KCNH1: variants seen among roughly 807,000 people sequenced by gnomAD.
KCNH1 encodes the protein voltage-gated delayed rectifier potassium channel KCNH1.
KCNH1 carries 27 observed loss-of-function variants against 69.2 expected under a neutral mutation model. The ratio of observed to expected loss-of-function variants is 0.39; its 90% CI spans 0.29 to 0.54. KCNH1 has a LOEUF of 0.54. Among genes scored for constraint, KCNH1 ranks in the 20% least tolerant of loss-of-function variants. The pLI is 0.68. For missense variants in KCNH1, 798 were observed against 1,261.6 expected (o/e 0.63, Z 5.57); for synonymous variants, 456 against 487.7 (o/e 0.93, Z 0.86).
At chr1:210,786,292 T>C (rs1487672222) in intron 9 of KCNH1, among the ~76,000 whole-genome samples, 1 of 152,262 alleles carries the variant, frequency 6.6e-6, no homozygotes, top group East Asian at 1.9e-4. Context: ...GAAATCAAAA[T>C]GTGCCAGTTT....
chr1:210,905,571 A>T (rs1687084154), intron 7 of KCNH1, among the ~76,000 whole-genome samples: 1 of 152,152 alleles, frequency 6.6e-6, no homozygotes, highest in Non-Finnish European at 1.5e-5. Flanking sequence ...CAGTGAACTG[A>T]GACTATTGCC....
intron 6 of KCNH1, among the ~76,000 whole-genome samples, chr1:210,981,218 T>A (rs1020378287): frequency 2.6e-5 from 4 of 152,130 alleles, no homozygotes; most frequent in Non-Finnish European, 4.4e-5. Flanking sequence ...GTTTAACTCA[T>A]GTCTTATTCT....
Position 210,955,546 on chromosome 1 carries a change from C to G in KCNH1, c.1033-35477G>C, listed in dbSNP as rs186491347. ...TTCCTGTCCATGAGCATGGAATGTT[C>G]TTCCATTTGTTTGTGTCCTCTTTTA... On this transcript the variant is annotated intron_variant, in intron 6 of 10. Transcript: ENST00000271751. Among the ~76,000 whole-genome samples, 692 of 152,192 alleles carry G rather than the reference C, an allele frequency of 4.5e-3. 3 individuals carry two copies. Among genetic ancestry groups the G allele is most frequent in the Middle Eastern group, 0.01 (3 of 294 alleles).
intron 10 of KCNH1, among the ~76,000 whole-genome samples, chr1:210,688,843 GGTT>G (rs1681467428): frequency 6.6e-6 from 1 of 152,194 alleles, no homozygotes; most frequent in African/African-American, 2.4e-5. Flanking sequence ...TGTCTGGAGA[GGTT>G]GTTCCACTGC....
At chr1:210,715,490 G>T (rs1460952892) in intron 10 of KCNH1, among the ~76,000 whole-genome samples, 1 of 147,912 alleles carries the variant, frequency 6.8e-6, no homozygotes, top group Non-Finnish European at 1.5e-5. Context: ...AATATAGCAA[G>T]ACCCTGTTTC....
intron 6 of KCNH1, among the ~76,000 whole-genome samples, chr1:210,933,465 T>C (rs1687717734): frequency 6.6e-6 from 1 of 151,992 alleles, no homozygotes; most frequent in Non-Finnish European, 1.5e-5. Context: ...TATACATATG[T>C]AACTAACCTG....
intron 6 of KCNH1, among the ~76,000 whole-genome samples, chr1:210,961,886 T>C (rs1688302018): frequency 6.6e-6 from 1 of 152,110 alleles, no homozygotes; most frequent in Non-Finnish European, 1.5e-5. Context: ...ATTGTTTTAA[T>C]GCCTTGTCTG....
chr1:210,957,658 C>T (rs1688204862), intron 6 of KCNH1, among the ~76,000 whole-genome samples: 1 of 152,168 alleles, frequency 6.6e-6, no homozygotes, highest in African/African-American at 2.4e-5. Flanking sequence ...ATTCTCTTTA[C>T]CATTATGAAA....
Position 211,049,581 on chromosome 1 carries a change from T to C in KCNH1, c.559-30325A>G, listed in dbSNP as rs114539365. Among the ~76,000 whole-genome samples, 1,115 of 152,280 alleles carry C rather than the reference T, an allele frequency of 7.3e-3. 6 individuals are homozygous for C. The highest frequency in any genetic ancestry group is 0.024 in the African/African-American group (1,006 of 41,540). ...AGAGCAGGACTTGATGTGCCCTTGA[T>C]GCACAGGTAAGAACTTTTAAGTAAG... On this transcript the variant is annotated intron_variant, in intron 5 of 10. Transcript: ENST00000271751.
chr1:210,861,553 A>C, intron 7 of KCNH1: 1 of 772,580 alleles, frequency 1.3e-6, no homozygotes, highest in East Asian at 2.4e-5. Flanking sequence ...GAAGTGTTTC[A>C]GTCTTTAAAA....
chr1:210,958,825 G>T (rs1203767881), intron 6 of KCNH1, among the ~76,000 whole-genome samples: 3 of 152,122 alleles, frequency 2.0e-5, no homozygotes, highest in Non-Finnish European at 4.4e-5. Flanking sequence ...CTTTTTTCAA[G>T]GTTTTTAGCT....
intron 10 of KCNH1, among the ~76,000 whole-genome samples, chr1:210,692,471 TCTC>T (rs1456407261): frequency 6.6e-6 from 1 of 152,114 alleles, no homozygotes; most frequent in Non-Finnish European, 1.5e-5. Context: ...TTTGTCACCT[TCTC>T]CTTGTTTTGT....
chr1:210,877,261 T>G (rs1272809469), intron 7 of KCNH1, among the ~76,000 whole-genome samples: 1 of 152,032 alleles, frequency 6.6e-6, no homozygotes, highest in East Asian at 1.9e-4. Flanking sequence ...AGCAGGGACG[T>G]AAGTGGAAGG....
At chr1:210,698,479 A>T (rs1171284015) in intron 10 of KCNH1, among the ~76,000 whole-genome samples, 1 of 152,228 alleles carries the variant, frequency 6.6e-6, no homozygotes, top group Admixed American at 6.5e-5. Context: ...AAAGAGAAAG[A>T]AGGATCTCTA....
intron 5 of KCNH1, among the ~76,000 whole-genome samples, chr1:211,043,440 C>G (rs1484114869): frequency 6.6e-6 from 1 of 151,954 alleles, no homozygotes; most frequent in African/African-American, 2.4e-5. Context: ...GAATAACAAG[C>G]AGTGAGATTG....
intron 5 of KCNH1, among the ~76,000 whole-genome samples, chr1:211,058,601 C>T (rs2102447230): frequency 6.6e-6 from 1 of 151,898 alleles, no homozygotes; most frequent in Non-Finnish European, 1.5e-5. Flanking sequence ...ACATACAATA[C>T]ATCCACAAAA....
intron 10 of KCNH1, among the ~76,000 whole-genome samples, chr1:210,699,657 C>G (rs1406508196): frequency 3.3e-5 from 5 of 152,198 alleles, no homozygotes; most frequent in African/African-American, 1.2e-4. Flanking sequence ...GTGCTCCACA[C>G]CCCCAACCCT....
intron 7 of KCNH1, among the ~76,000 whole-genome samples, chr1:210,807,354 C>T (rs1343054792): frequency 6.6e-6 from 1 of 152,036 alleles, no homozygotes; most frequent in Non-Finnish European, 1.5e-5. Flanking sequence ...CCTGTAATCC[C>T]AGCACTTTGG....
intron 6 of KCNH1, among the ~76,000 whole-genome samples, chr1:210,990,061 G>A (rs1267343737): frequency 6.6e-6 from 1 of 152,124 alleles, no homozygotes; most frequent in African/African-American, 2.4e-5. Flanking sequence ...TGACCCTTCA[G>A]GGTACATATC....
Sources: gnomAD v4.1 joint callset for allele counts (sites outside exome capture counted in the v4.1 genomes callset) on GRCh38, gnomAD v4.1.1 for gene constraint, MANE v1.5 for transcripts, NCBI Gene and HGNC (gene_info 2026-07-23, HGNC 2026-07-21) for gene names.